The following SPMIP6 variants were observed in gnomAD, a reference collection of about 807,000 sequenced individuals.
The protein encoded by SPMIP6 is sperm microtubule inner protein 6.
At chr9:34,395,984 T>A in the SPMIP6 span, among the ~76,000 whole-genome samples, 23 of 152,366 alleles carry the variant, frequency 1.5e-4, no homozygotes, top group African/African-American at 5.3e-4. Flanking sequence ...TTTAAAAATG[T>A]GTATATCTTT....
At chr9:34,391,331 A>G in the SPMIP6 span, among the ~76,000 whole-genome samples, 1 of 152,008 alleles carries the variant, frequency 6.6e-6, no homozygotes, top group Non-Finnish European at 1.5e-5. Context: ...TGTCTATTTT[A>G]TGAGCCTCAT....
the SPMIP6 span, chr9:34,381,037 G>C: frequency 6.2e-7 from 1 of 1,611,732 alleles, no homozygotes; most frequent in South Asian, 1.1e-5. The surrounding 1 kb of genome is among the most constrained non-coding windows in gnomAD (Gnocchi z 4.4). Flanking sequence ...GCAGGCGGCC[G>C]GGCAGCGGGT....
chr9:34,382,271 G>A, the SPMIP6 span, among the ~76,000 whole-genome samples: 1 of 152,166 alleles, frequency 6.6e-6, no homozygotes, highest in Non-Finnish European at 1.5e-5. Context: ...CTACTTTTGG[G>A]TTCCTTTTTC....
At chr9:34,384,741 G>A in the SPMIP6 span, among the ~76,000 whole-genome samples, 1 of 152,158 alleles carries the variant, frequency 6.6e-6, no homozygotes, top group African/African-American at 2.4e-5. Context: ...CTTTTCGAAT[G>A]TACAGCCAGA....
At chr9:34,380,988 A>T in the SPMIP6 span, 1 of 1,609,536 alleles carries the variant, frequency 6.2e-7, no homozygotes, top group South Asian at 1.1e-5. Context: ...CGCAGACAGT[A>T]GTGGCGGCCC....
the SPMIP6 span, among the ~76,000 whole-genome samples, chr9:34,391,811 T>C: frequency 6.6e-6 from 1 of 152,200 alleles, no homozygotes; most frequent in Non-Finnish European, 1.5e-5. Flanking sequence ...GTTCCTTGTA[T>C]GTTTAAATCT....
chr9:34,383,523 CAATA>C, the SPMIP6 span, among the ~76,000 whole-genome samples: 1 of 152,194 alleles, frequency 6.6e-6, no homozygotes, highest in South Asian at 2.1e-4. Flanking sequence ...GACTCAGTCT[CAATA>C]AATAGATAAA....
the SPMIP6 span, chr9:34,397,718 C>T: frequency 7.1e-7 from 1 of 1,407,492 alleles, no homozygotes; most frequent in Non-Finnish European, 9.5e-7. Context: ...CCTAGACAGG[C>T]CACACCTCCA....
chr9:34,393,316 A>G, the SPMIP6 span, among the ~76,000 whole-genome samples: 1 of 152,226 alleles, frequency 6.6e-6, no homozygotes, highest in Non-Finnish European at 1.5e-5. Flanking sequence ...CCTCATGTTT[A>G]TCAGTTCCTT....
chr9:34,391,489 G>A, the SPMIP6 span, among the ~76,000 whole-genome samples: 3 of 152,028 alleles, frequency 2.0e-5, no homozygotes, highest in Non-Finnish European at 4.4e-5. Context: ...GGTCATTTAT[G>A]TTTCACATTT....
At chr9:34,383,468 G>A in the SPMIP6 span, among the ~76,000 whole-genome samples, 1 of 152,210 alleles carries the variant, frequency 6.6e-6, no homozygotes, top group South Asian at 2.1e-4. Context: ...ATGTTTCAGT[G>A]AGCCAAGGTC....
At chr9:34,385,396 G>A in the SPMIP6 span, among the ~76,000 whole-genome samples, 4 of 151,892 alleles carry the variant, frequency 2.6e-5, no homozygotes, top group Admixed American at 6.6e-5. Flanking sequence ...GCCGGGCCTG[G>A]TGGCACATGC....
the SPMIP6 span, chr9:34,380,940 C>T: frequency 2.5e-6 from 4 of 1,598,968 alleles, no homozygotes; most frequent in Non-Finnish European, 2.5e-6. Flanking sequence ...AGGCGGCGGT[C>T]GGTGCAGGGC....
the SPMIP6 span, among the ~76,000 whole-genome samples, chr9:34,390,820 C>T: frequency 1.6e-4 from 25 of 152,142 alleles, no homozygotes; most frequent in African/African-American, 5.5e-4. Flanking sequence ...GGGGGTCTCA[C>T]TATGTTGCCC....
At chr9:34,391,743 A>G in the SPMIP6 span, among the ~76,000 whole-genome samples, 7 of 152,308 alleles carry the variant, frequency 4.6e-5, no homozygotes, top group South Asian at 2.1e-4. Flanking sequence ...TATGATGTCA[A>G]TCTTAGAATT....
the SPMIP6 span, among the ~76,000 whole-genome samples, chr9:34,387,030 A>AT: frequency 6.7e-3 from 939 of 140,182 alleles, 8 homozygotes; most frequent in East Asian, 0.029. Flanking sequence ...GATCCTTATG[A>AT]TTTTTTTTTT....
the SPMIP6 span, chr9:34,379,035 T>G: frequency 8.1e-7 from 1 of 1,228,284 alleles, no homozygotes; most frequent in Non-Finnish European, 1.2e-6. This position sits in a 1 kb window ranked among gnomAD's most constrained non-coding sequence, Gnocchi z 4.2. Flanking sequence ...GTTGAAGAGT[T>G]TATTTATTGC....
chr9:34,390,233 C>T, the SPMIP6 span, among the ~76,000 whole-genome samples: 10 of 151,814 alleles, frequency 6.6e-5, no homozygotes, highest in Non-Finnish European at 1.5e-4. Flanking sequence ...TAAAAGAATG[C>T]TTCTAACAGT....
the SPMIP6 span, chr9:34,397,527 G>A: frequency 2.5e-6 from 4 of 1,614,116 alleles, no homozygotes; most frequent in Non-Finnish European, 3.4e-6. Flanking sequence ...GGCTTCCCAG[G>A]CACACAGGGG....
Sources: gnomAD v4.1 joint callset for allele counts (sites outside exome capture counted in the v4.1 genomes callset) on GRCh38, gnomAD v4.1.1 for gene constraint, Gnocchi (gnomAD v3.1) non-coding constraint, MANE v1.5 for transcripts, NCBI Gene and HGNC (gene_info 2026-07-23, HGNC 2026-07-21) for gene names.